The following PARP15 variants were observed in gnomAD, a reference collection of about 807,000 sequenced individuals.
The protein encoded by PARP15 is poly(ADP-ribose) polymerase family member 15.
A neutral mutation model predicts 62.1 loss-of-function variants in PARP15; 50 were observed. The observed-to-expected ratio is 0.81, with a 90% CI of 0.64 to 1.02. PARP15 has a LOEUF of 1.02. PARP15 is among the 50% of genes least tolerant of loss of function. The probability of loss-of-function intolerance (pLI) is 0.00; values close to 1 mark genes in which losing one functional copy is unlikely to be tolerated. For synonymous variants in PARP15, 309 were observed against 293.1 expected, an observed-to-expected ratio of 1.05 and a Z score of -0.55; for missense variants, 820 against 826.5, an observed-to-expected ratio of 0.99 and a Z score of 0.10.
intron 1 of PARP15, among the ~76,000 whole-genome samples, chr3:122,603,356 C>T (rs1029952004): frequency 1.3e-5 from 2 of 151,614 alleles, no homozygotes; most frequent in Admixed American, 6.6e-5. Context: ...TCAAGGAAGA[C>T]CGAAAAAAAA....
At chr3:122,629,265 C>T (rs946699955) in intron 9 of PARP15, among the ~76,000 whole-genome samples, 1 of 152,180 alleles carries the variant, frequency 6.6e-6, no homozygotes, top group Admixed American at 6.5e-5. Context: ...CAGGCTCAAG[C>T]AGTTCTCTTG....
chr3:122,587,500 A>G (rs983526547), intron 1 of PARP15, among the ~76,000 whole-genome samples: 2 of 152,128 alleles, frequency 1.3e-5, no homozygotes, highest in Non-Finnish European at 2.9e-5. Flanking sequence ...TAACAGGCGT[A>G]TAGGGTAGCT....
intron 1 of PARP15, among the ~76,000 whole-genome samples, chr3:122,605,041 AAAAGAAAGAAAG>A (rs377321079): frequency 3.3e-5 from 5 of 151,954 alleles, no homozygotes; most frequent in Admixed American, 3.3e-4. Context: ...ATCTCAGAAA[AAAAGAAAGAAAG>A]AAAGAAAGAA....
Position 122,621,334 on chromosome 3 carries a change from C to A in PARP15, c.1064-110C>A. On this transcript the variant is annotated intron_variant, in intron 7 of 11. Transcript: ENST00000464300. ...ATGAAACCAACAAGCTCGAGTGAGACTGGGCTTCACAGCCTTCACGGATGT... is the reference window on the plus strand; with the variant it reads ...ATGAAACCAACAAGCTCGAGTGAGAATGGGCTTCACAGCCTTCACGGATGT... 4.3e-6 allele frequency: 5 copies of A among 1,176,246 alleles called. 1 individual carries two copies. In the South Asian group the frequency reaches 8.1e-5, roughly 19 times the overall value. The allele number at this position is 1,176,246 out of a possible 1,614,324, so 72.9% of individuals were successfully genotyped here. A position where few individuals can be genotyped will look rare whatever the true frequency, so the allele number is the denominator to read the frequency against.
At chr3:122,608,482 C>G (rs138324179) in intron 2 of PARP15, among the ~76,000 whole-genome samples, 1,578 of 152,212 alleles carry the variant, frequency 0.01, 30 homozygotes, top group African/African-American at 0.036. Flanking sequence ...TCCCAAAATG[C>G]TGGGATTACA....
At chr3:122,602,846 C>T (rs1411326254) in intron 1 of PARP15, among the ~76,000 whole-genome samples, 1 of 152,126 alleles carries the variant, frequency 6.6e-6, no homozygotes, top group Non-Finnish European at 1.5e-5. Flanking sequence ...TTGACTTGTT[C>T]CATTAGTTGA....
intron 8 of PARP15, among the ~76,000 whole-genome samples, chr3:122,624,361 T>C (rs138110484): frequency 6.6e-6 from 1 of 152,166 alleles, no homozygotes; most frequent in Admixed American, 6.5e-5. Flanking sequence ...TTATATAGGG[T>C]GATCAATTCT....
chr3:122,635,667 C>G (rs1937318019), intron 11 of PARP15, 144 bp from the exon 12 acceptor site: 1 of 878,978 alleles, frequency 1.1e-6, no homozygotes, highest in South Asian at 1.9e-5. Flanking sequence ...CTTGCCTCAG[C>G]CTCCCAAAGT....
rs139489271 is a variant in PARP15 at position 122,635,817 on chromosome 3, C to A, written c.1754C>A (p.Ser585Tyr). ...TTTGTCTTTCTCTTTCCAGCTGTATCCTATGGAAAAGGAACCTATTTTGCT... is the reference window on the plus strand; with the variant it reads ...TTTGTCTTTCTCTTTCCAGCTGTATACTATGGAAAAGGAACCTATTTTGCT... Reference protein sequence around the residue: ...NRSCAGKNAVSYGKGTYFAVD... With the variant: ...NRSCAGKNAVYYGKGTYFAVD... The change falls in exon 12 of 12, where the codon TCC becomes TAC. Residue 585 changes from serine (S) to tyrosine (Y), a missense_variant. Ser to Tyr is a moderately radical substitution (Grantham distance 144, BLOSUM62 -2). Transcript: ENST00000464300. 1.2e-6 allele frequency: 2 copies of A among 1,612,662 alleles called. No homozygotes were observed. Among genetic ancestry groups the A allele is most frequent in the South Asian group, 1.1e-5 (1 of 91,002 alleles).
At chr3:122,608,213 C>CTTTTTTTT (rs71136576) in intron 2 of PARP15, among the ~76,000 whole-genome samples, 414 of 113,826 alleles carry the variant, frequency 3.6e-3, no homozygotes, top group Non-Finnish European at 5.1e-3. Flanking sequence ...TTTCTCTTTT[C>CTTTTTTTT]TTTTTTTTTT....
chr3:122,635,907 T>C lies in PARP15; in HGVS notation c.1844T>C (p.Met615Thr), dbSNP rs1197970185. 1.2e-6 allele frequency: 2 copies of C among 1,614,150 alleles called. No homozygotes were observed. Among genetic ancestry groups the C allele is most frequent in the Non-Finnish European group, 1.7e-6 (2 of 1,180,012 alleles). Reference protein sequence around the residue: ...SKPDSNGRKHMYVVRVLTGVF... With the variant: ...SKPDSNGRKHTYVVRVLTGVF... ...CCAGACAGCAATGGGAGAAAGCACA[T>C]GTACGTTGTGCGAGTACTTACTGGA... Residue 615 changes from methionine to threonine, a missense_variant, in exon 12 of 12, where the codon ATG (methionine) becomes ACG (threonine). This residue lies in a region of PARP15 where 84 missense variants were observed against 79.7 expected (regional missense o/e 1.05). Coordinates refer to ENST00000464300, the MANE Select transcript of PARP15 (RefSeq NM_001113523.3).
intron 1 of PARP15, among the ~76,000 whole-genome samples, chr3:122,588,117 T>A (rs533388976): frequency 1.3e-5 from 2 of 152,272 alleles, no homozygotes; most frequent in South Asian, 4.1e-4. Context: ...ATTATCTTTT[T>A]AAAAATATCT....
chr3:122,605,899 T>G (rs1399680348), intron 1 of PARP15, 37 bp from the exon 2 acceptor site: 1 of 1,544,784 alleles, frequency 6.5e-7, no homozygotes, highest in Admixed American at 2.0e-5. Context: ...CTCTTGAAAT[T>G]GGCATTGCTG....
At chr3:122,619,890 C>G in intron 7 of PARP15, 47 bp downstream of exon 7, 2 of 1,510,650 alleles carry the variant, frequency 1.3e-6, no homozygotes, top group Non-Finnish European at 1.8e-6. Flanking sequence ...AATCAGAGGG[C>G]TGAGATTACA....
At chr3:122,590,697 CTCTT>C (rs1281823423) in intron 1 of PARP15, among the ~76,000 whole-genome samples, 5 of 152,206 alleles carry the variant, frequency 3.3e-5, no homozygotes, top group African/African-American at 9.6e-5. Flanking sequence ...TTGACTTTGA[CTCTT>C]TATTATGCTA....
intron 4 of PARP15, among the ~76,000 whole-genome samples, chr3:122,614,882 T>C (rs1299470338): frequency 6.6e-6 from 1 of 151,962 alleles, no homozygotes; most frequent in Admixed American, 6.6e-5. Context: ...TACAAAAAAT[T>C]AGCCGGGCGT....
intron 1 of PARP15, among the ~76,000 whole-genome samples, chr3:122,579,999 G>GTATATATATGTA (rs1553725413): frequency 6.2e-5 from 4 of 64,476 alleles, no homozygotes; most frequent in African/African-American, 1.5e-4. Context: ...GCAACTATAT[G>GTATATATATGTA]TATATATATA....
chr3:122,623,929 A>G (rs2107579597), intron 8 of PARP15, among the ~76,000 whole-genome samples: 1 of 152,160 alleles, frequency 6.6e-6, no homozygotes, highest in South Asian at 2.1e-4. Flanking sequence ...GGATCACTTG[A>G]TTGCTTGAGG....
In PARP15 at chr3:122,638,900, A is replaced by G. The variant is rs921159057; in HGVS notation, c.*2800A>G. ...TAAACATAATTTTAATGGCAGAGAT[A>G]TTCTGCTTTATATCTTTCCCTATTT... On this transcript the variant is annotated 3_prime_UTR_variant, in exon 12 of 12. Coordinates refer to ENST00000464300, the MANE Select transcript of PARP15 (RefSeq NM_001113523.3). 4 of 152,090 alleles carry G rather than the reference A, an allele frequency of 2.6e-5. No homozygotes were observed. Among genetic ancestry groups the G allele is most frequent in the African/African-American group, 9.7e-5 (4 of 41,416 alleles). The allele number at this position is 152,090 out of a possible 1,614,324, so 9.4% of individuals were successfully genotyped here.
Sources: allele counts gnomAD v4.1 joint callset (sites outside exome capture counted in the v4.1 genomes callset), GRCh38; gene constraint gnomAD v4.1.1; regional missense constraint gnomAD v4.1.1; transcripts MANE v1.5; gene names NCBI Gene and HGNC (gene_info 2026-07-23, HGNC 2026-07-21).